The following CARMIL1 variants were observed in gnomAD, a reference collection of about 807,000 sequenced individuals.
The protein encoded by CARMIL1 is capping protein regulator and myosin 1 linker 1, also known as F-actin-uncapping protein LRRC16A.
Under a neutral mutation model 177.1 loss-of-function variants are expected in CARMIL1, and 90 were observed. That is an observed-to-expected ratio of 0.51 (90% CI 0.43 to 0.61). CARMIL1 has a LOEUF of 0.61. Ranked by LOEUF, CARMIL1 falls within the 20% of genes least tolerant of loss-of-function variation. CARMIL1 has a pLI of 0.00. For synonymous variants in CARMIL1, 577 were observed against 606.2 expected (o/e 0.95, Z 0.71); for missense variants, 1,380 against 1,667.0 (o/e 0.83, Z 3.00).
At chr6:25,459,266 C>CTTTCTTTCTTTCTTTCTTTCTTTTTT in intron 8 of CARMIL1, among the ~76,000 whole-genome samples, 4 of 73,772 alleles carry the variant, frequency 5.4e-5, no homozygotes, top group Admixed American at 1.6e-4. Context: ...TTCTTTCTTT[C>CTTTCTTTCTTTCTTTCTTTCTTTTTT]TTTTTTTTTT....
chr6:25,528,396 C>G (rs1427110323), intron 23 of CARMIL1, among the ~76,000 whole-genome samples: 2 of 152,132 alleles, frequency 1.3e-5, no homozygotes, highest in Non-Finnish European at 2.9e-5. Flanking sequence ...TAGAGAGCAC[C>G]ACCCTTATTC....
intron 2 of CARMIL1, among the ~76,000 whole-genome samples, chr6:25,394,566 T>C (rs1474752859): frequency 6.6e-6 from 1 of 152,202 alleles, no homozygotes; most frequent in African/African-American, 2.4e-5. Context: ...TTCAGGTTGG[T>C]TTAATGACTA....
chr6:25,585,803 G>T (rs918515098), intron 31 of CARMIL1, among the ~76,000 whole-genome samples: 1 of 146,318 alleles, frequency 6.8e-6, no homozygotes, highest in African/African-American at 2.7e-5. Flanking sequence ...ATCTTGCACC[G>T]CCCTTAATCC....
At chr6:25,416,790 A>G (rs1044585823) in intron 2 of CARMIL1, among the ~76,000 whole-genome samples, 3 of 152,126 alleles carry the variant, frequency 2.0e-5, no homozygotes, top group Non-Finnish European at 4.4e-5. Context: ...CTGTCAGATA[A>G]TATACAAACT....
At chr6:25,478,161 G>T (rs368066819) in intron 11 of CARMIL1, among the ~76,000 whole-genome samples, 2 of 151,988 alleles carry the variant, frequency 1.3e-5, no homozygotes, top group Non-Finnish European at 2.9e-5. Context: ...CCTGAAGTAC[G>T]CTCATATTTT....
At chr6:25,309,950 A>G (rs1783647932) in intron 2 of CARMIL1, among the ~76,000 whole-genome samples, 2 of 151,914 alleles carry the variant, frequency 1.3e-5, no homozygotes, top group South Asian at 4.2e-4. Context: ...TTGTATTTTT[A>G]GTAGAGGTGG....
chr6:25,581,221 G>C, intron 30 of CARMIL1, 22 bp from the exon 31 acceptor site: 1 of 1,597,588 alleles, frequency 6.3e-7, no homozygotes, highest in Non-Finnish European at 8.5e-7. Flanking sequence ...CTGTTTTTTT[G>C]TTTTTTTGTT....
intron 29 of CARMIL1, among the ~76,000 whole-genome samples, chr6:25,571,358 A>G (rs1185296968): frequency 6.6e-6 from 1 of 152,186 alleles, no homozygotes; most frequent in African/African-American, 2.4e-5. Flanking sequence ...CTCAGAAAAC[A>G]TCGAAATGCC....
intron 31 of CARMIL1, among the ~76,000 whole-genome samples, chr6:25,591,362 C>T (rs1480618029): frequency 6.6e-6 from 1 of 152,228 alleles, no homozygotes; most frequent in East Asian, 1.9e-4. Flanking sequence ...AATCTACCTT[C>T]TTTATCAAAT....
intron 11 of CARMIL1, among the ~76,000 whole-genome samples, chr6:25,475,420 A>G (rs1314149552): frequency 2.0e-5 from 3 of 151,946 alleles, no homozygotes; most frequent in South Asian, 2.1e-4. Context: ...AAAAAAAGTT[A>G]AACTCAAATC....
At chr6:25,521,940 A>G (rs1806613554) in intron 23 of CARMIL1, among the ~76,000 whole-genome samples, 1 of 152,132 alleles carries the variant, frequency 6.6e-6, no homozygotes, top group Non-Finnish European at 1.5e-5. Context: ...CCCTTACCCC[A>G]TAGGTAACTT....
chr6:25,448,434 T>C (rs1798448849), intron 5 of CARMIL1, among the ~76,000 whole-genome samples: 2 of 152,216 alleles, frequency 1.3e-5, no homozygotes. Flanking sequence ...GGGGGTGTGC[T>C]GTTCCTTTAT....
chr6:25,312,481 A>G (rs919042425), intron 2 of CARMIL1, among the ~76,000 whole-genome samples: 5 of 152,132 alleles, frequency 3.3e-5, no homozygotes, highest in Non-Finnish European at 5.9e-5. Flanking sequence ...GCAAAACTCC[A>G]TGGATGTAAG....
chr6:25,284,825 T>A lies in CARMIL1; in HGVS notation c.54T>A (p.Asp18Glu). Reference sequence around the variant, plus strand: ...TTTTTTTTTCAGAAAGCATAAAGGATGTTATTGGCAGAAAGATAAAAATTT... The same window carrying A: ...TTTTTTTTTCAGAAAGCATAAAGGAAGTTATTGGCAGAAAGATAAAAATTT... ...VPRELIESIK[D>E]VIGRKIKISV... Residue 18 changes from aspartate to glutamate, a missense_variant, in exon 2 of 37, where the codon GAT becomes GAA. Physicochemically the swap from Asp to Glu is conservative, Grantham distance 45. Transcript: ENST00000329474. The A allele has an allele frequency of 6.5e-7, 1 of 1,539,954 alleles. No homozygotes were observed. Among genetic ancestry groups the A allele is most frequent in the Non-Finnish European group, 8.8e-7 (1 of 1,130,968 alleles).
intron 2 of CARMIL1, among the ~76,000 whole-genome samples, chr6:25,289,905 G>C (rs1016475391): frequency 6.6e-6 from 1 of 152,168 alleles, no homozygotes; most frequent in African/African-American, 2.4e-5. Context: ...AGATTTTTGA[G>C]TGAACATACT....
At chr6:25,330,288 G>A (rs1054977008) in intron 2 of CARMIL1, among the ~76,000 whole-genome samples, 2 of 152,156 alleles carry the variant, frequency 1.3e-5, no homozygotes, top group East Asian at 1.9e-4. Flanking sequence ...CTTAAGGCCC[G>A]GATGAGCTGG....
At chr6:25,317,109 C>T (rs1243950499) in intron 2 of CARMIL1, among the ~76,000 whole-genome samples, 1 of 152,114 alleles carries the variant, frequency 6.6e-6, no homozygotes. Flanking sequence ...AGAAGTTTCT[C>T]TCAAAGTTGA....
intron 24 of CARMIL1, among the ~76,000 whole-genome samples, 191 bp from the exon 25 acceptor site, chr6:25,537,664 G>T (rs1456272521): frequency 3.9e-5 from 6 of 152,174 alleles, no homozygotes; most frequent in Non-Finnish European, 8.8e-5. Flanking sequence ...TTACTTGCAT[G>T]AATAAAGTAA....
At chr6:25,419,595 G>A (rs1173911435) in intron 2 of CARMIL1, among the ~76,000 whole-genome samples, 2 of 152,180 alleles carry the variant, frequency 1.3e-5, no homozygotes, top group Non-Finnish European at 2.9e-5. Context: ...CAGCTGAGAA[G>A]CAAAGTTAGG....
Sources: allele counts gnomAD v4.1 joint callset (sites outside exome capture counted in the v4.1 genomes callset), GRCh38; gene constraint gnomAD v4.1.1; transcripts MANE v1.5; gene names NCBI Gene and HGNC (gene_info 2026-07-23, HGNC 2026-07-21).